DPP6: variants seen among roughly 807,000 people sequenced by gnomAD.
The protein encoded by DPP6 is A-type potassium channel modulatory protein DPP6.
Under a neutral mutation model 122.6 loss-of-function variants are expected in DPP6, and 69 were observed. That is an observed-to-expected ratio of 0.56 (90% confidence interval 0.46 to 0.69). The LOEUF is 0.69. DPP6 is among the 30% of genes least tolerant of loss of function. DPP6 has a pLI of 0.00. For synonymous variants in DPP6, 418 were observed against 433.1 expected (o/e 0.97, Z 0.43); for missense variants, 928 against 1,116.9 (o/e 0.83, Z 2.41).
chr7:154,094,788 T>G (rs1182176278), intron 1 of DPP6: 1 of 152,172 alleles, frequency 6.6e-6, no homozygotes, highest in East Asian at 1.9e-4. Flanking sequence ...AGCCTATGCC[T>G]TCTTGTTGGC....
intron 3 of DPP6, among the ~76,000 whole-genome samples, chr7:154,492,983 T>C (rs1286590852): frequency 6.6e-6 from 1 of 152,164 alleles, no homozygotes; most frequent in African/African-American, 2.4e-5. Context: ...GCATCCCTCT[T>C]CTTAAACATG....
At chr7:154,614,112 C>G (rs1431211557) in intron 5 of DPP6, among the ~76,000 whole-genome samples, 1 of 152,244 alleles carries the variant, frequency 6.6e-6, no homozygotes, top group African/African-American at 2.4e-5. Context: ...TCTCTTCTCT[C>G]TTTGCAGCTA....
At chr7:153,922,600 T>C (rs1412236910) in intron 1 of DPP6, among the ~76,000 whole-genome samples, 1 of 152,268 alleles carries the variant, frequency 6.6e-6, no homozygotes, top group African/African-American at 2.4e-5. Flanking sequence ...TTTTTATGTC[T>C]CTGATATCAT....
chr7:154,449,099 G>A (rs1205822228), intron 2 of DPP6, among the ~76,000 whole-genome samples: 1 of 151,900 alleles, frequency 6.6e-6, no homozygotes, highest in African/African-American at 2.4e-5. Context: ...AACATTTTGT[G>A]TATCAAAAAC....
At chr7:154,482,354 A>C (rs749196046) in intron 3 of DPP6, among the ~76,000 whole-genome samples, 1 of 152,212 alleles carries the variant, frequency 6.6e-6, no homozygotes, top group African/African-American at 2.4e-5. Flanking sequence ...GGTTTAACTT[A>C]TTGGCACTGA....
In DPP6 at chr7:154,831,406, A is replaced by G. The variant is rs187459644; in HGVS notation, c.1667-22374A>G. Reference sequence around the variant, plus strand: ...TTTAGGCAGAGCTGGGTAGAAATTTAAAAAGGGGAAAAAAAACTCTTTATT... The same window carrying G: ...TTTAGGCAGAGCTGGGTAGAAATTTGAAAAGGGGAAAAAAAACTCTTTATT... On this transcript the variant is annotated intron_variant, in intron 16 of 25. Transcript: ENST00000377770. 2.5e-3 allele frequency among the ~76,000 whole-genome samples: 377 copies of G among 152,308 alleles called. 3 individuals are homozygous for G. Among genetic ancestry groups the G allele is most frequent in the Middle Eastern group, 6.8e-3 (2 of 294 alleles).
At chr7:154,344,072 A>G (rs926198105) in intron 1 of DPP6, among the ~76,000 whole-genome samples, 1 of 152,138 alleles carries the variant, frequency 6.6e-6, no homozygotes, top group Admixed American at 6.5e-5. Flanking sequence ...ATGGCAGAAG[A>G]AGAGACTGAT....
intron 5 of DPP6, among the ~76,000 whole-genome samples, chr7:154,596,724 C>T (rs1238634773): frequency 2.0e-5 from 3 of 152,134 alleles, no homozygotes. Context: ...GAATGTGCTG[C>T]TTTATAAGAA....
chr7:153,944,509 T>C (rs1012141139), intron 1 of DPP6, among the ~76,000 whole-genome samples: 1 of 152,004 alleles, frequency 6.6e-6, no homozygotes, highest in African/African-American at 2.4e-5. Flanking sequence ...AGGGGTGGCC[T>C]TCTCCTTAGA....
intron 1 of DPP6, among the ~76,000 whole-genome samples, chr7:154,196,481 C>T (rs143711617): frequency 0.04 from 6,018 of 152,216 alleles, 388 homozygotes; most frequent in African/African-American, 0.14. Context: ...CAGAGCAAGA[C>T]TCTGTCTCAA....
At chr7:153,836,048 G>A in the DPP6 span, among the ~76,000 whole-genome samples, 1 of 152,166 alleles carries the variant, frequency 6.6e-6, no homozygotes, top group African/African-American at 2.4e-5. Flanking sequence ...TCTCCTTCTG[G>A]CTAAACATCA....
chr7:154,728,233 G>A (rs1842166145), intron 8 of DPP6, among the ~76,000 whole-genome samples: 4 of 152,190 alleles, frequency 2.6e-5, no homozygotes, highest in African/African-American at 9.7e-5. Context: ...AACGCTCAGG[G>A]ACTGCAAATG....
chr7:154,652,701 G>T (rs563883342), intron 6 of DPP6, among the ~76,000 whole-genome samples: 5 of 152,124 alleles, frequency 3.3e-5, no homozygotes, highest in Non-Finnish European at 7.4e-5. Flanking sequence ...TGAGGCGTCA[G>T]AGTGCAGCTC....
chr7:154,344,254 C>T (rs1810198043), intron 1 of DPP6, among the ~76,000 whole-genome samples: 2 of 152,184 alleles, frequency 1.3e-5, no homozygotes, highest in Non-Finnish European at 2.9e-5. Context: ...TACCTACTTT[C>T]TCTCAATAAC....
intron 1 of DPP6, among the ~76,000 whole-genome samples, chr7:154,043,496 A>ATTAAT (rs1165984563): frequency 6.2e-5 from 9 of 144,852 alleles, no homozygotes; most frequent in African/African-American, 2.3e-4. Flanking sequence ...GAGGATCAGT[A>ATTAAT]TTATAACCAG....
chr7:154,417,173 C>T (rs538726178), intron 1 of DPP6, among the ~76,000 whole-genome samples: 31 of 152,294 alleles, frequency 2.0e-4, no homozygotes, highest in Non-Finnish European at 4.1e-4. Context: ...CGGGTGATCT[C>T]AGGGAACATC....
intron 1 of DPP6, among the ~76,000 whole-genome samples, chr7:154,352,146 A>G (rs1810913172): frequency 6.6e-6 from 1 of 151,896 alleles, no homozygotes; most frequent in Non-Finnish European, 1.5e-5. Context: ...AACCTTTTGG[A>G]GTGTCTTGGG....
At chr7:154,549,618 C>T (rs909507520) in intron 4 of DPP6, among the ~76,000 whole-genome samples, 1 of 152,202 alleles carries the variant, frequency 6.6e-6, no homozygotes, top group Non-Finnish European at 1.5e-5. Flanking sequence ...CAACAACTAA[C>T]CATGGAAGCA....
chr7:154,463,172 TTTTTACC>T (rs1252760870), intron 2 of DPP6, among the ~76,000 whole-genome samples: 1 of 150,778 alleles, frequency 6.6e-6, no homozygotes, highest in Non-Finnish European at 1.5e-5. Flanking sequence ...CACAAAGTGC[TTTTTACC>T]TTTACTTCTC....
Sources: allele counts gnomAD v4.1 joint callset (sites outside exome capture counted in the v4.1 genomes callset), GRCh38; gene constraint gnomAD v4.1.1; transcripts MANE v1.5; gene names NCBI Gene and HGNC (gene_info 2026-07-23, HGNC 2026-07-21).